Variants in CPLANE1 observed in about 807,000 individuals in gnomAD.
CPLANE1 encodes ciliogenesis and planar polarity effector 1.
Under a neutral mutation model 362.5 loss-of-function variants are expected in CPLANE1, and 263 were observed. The observed-to-expected ratio is 0.73, with a 90% confidence interval of 0.66 to 0.80. CPLANE1 has a LOEUF of 0.80. Among genes scored for constraint, CPLANE1 ranks in the 30% least tolerant of loss-of-function variants. The pLI is 0.00. For missense variants in CPLANE1, 3,461 were observed against 3,793.4 expected, an observed-to-expected ratio of 0.91 and a Z score of 2.30; for synonymous variants, 1,212 against 1,302.6, an observed-to-expected ratio of 0.93 and a Z score of 1.50.
intron 38 of CPLANE1, among the ~76,000 whole-genome samples, chr5:37,159,130 A>G: frequency 1.2e-5 from 1 of 86,492 alleles, no homozygotes; most frequent in African/African-American, 4.7e-5. Flanking sequence ...TTTGAGACGG[A>G]GTCTCGCTCT....
In CPLANE1 at chr5:37,183,700, C is replaced by A. The variant is rs774492992; in HGVS notation, c.4482-1G>T. ...TAATTCCATGTGATTTGGGGCATTT[C>A]TATAGCAAAAAAATAAAATAAGACA... On this transcript the variant is annotated splice_acceptor_variant, in intron 25 of 52. Transcript: ENST00000651892. LOFTEE classifies it high-confidence loss of function. 11 of 1,544,554 alleles carry A rather than the reference C, an allele frequency of 7.1e-6. No homozygotes were observed. In the African/African-American group the frequency reaches 1.4e-4, roughly 20 times the overall value.
intron 19 of CPLANE1, 43 bp from the exon 20 acceptor site, chr5:37,198,909 A>C: frequency 1.3e-6 from 2 of 1,569,178 alleles, no homozygotes; most frequent in Non-Finnish European, 1.7e-6. Context: ...TAGTAATGAG[A>C]AAATTTAGAA....
At chr5:37,155,985 T>G (rs974386479) in intron 41 of CPLANE1, among the ~76,000 whole-genome samples, 1 of 152,158 alleles carries the variant, frequency 6.6e-6, no homozygotes, top group Non-Finnish European at 1.5e-5. Context: ...AGCAGCCCCA[T>G]GACAGAAGAG....
intron 42 of CPLANE1, among the ~76,000 whole-genome samples, chr5:37,150,481 C>T (rs952930792): frequency 1.3e-5 from 2 of 151,964 alleles, no homozygotes; most frequent in African/African-American, 4.8e-5. Context: ...TATCATGTCC[C>T]TGATAGAAAT....
At position 37,221,427 on chromosome 5, in the gene CPLANE1, G is replaced by T. The variant is rs773097425; in HGVS notation, c.2643C>A (p.Leu881=). 4.6e-6 allele frequency: 7 copies of T among 1,536,044 alleles called. No individual in the cohort carries two copies. Among genetic ancestry groups the T allele is most frequent in the Non-Finnish European group, 8.8e-7 (1 of 1,140,828 alleles). Residue 881 remains leucine, a synonymous_variant, in exon 15 of 53, where the codon CTC becomes CTA. Transcript: ENST00000651892. ...RYYLSLLYCH[L]YSYNLNDAQG... Reference sequence around the variant, plus strand: ...GAGCATCATTTAAATTATAGCTATAGAGGTGGCAGTATAAGAGAGAAAGAT... The same window carrying T: ...GAGCATCATTTAAATTATAGCTATATAGGTGGCAGTATAAGAGAGAAAGAT...
intron 9 of CPLANE1, among the ~76,000 whole-genome samples, chr5:37,228,959 T>C (rs1385872756): frequency 6.6e-6 from 1 of 152,152 alleles, no homozygotes; most frequent in African/African-American, 2.4e-5. Flanking sequence ...GCATTGCCAA[T>C]TGCTAAAAAT....
At chr5:37,196,123 C>A in intron 20 of CPLANE1, 127 bp from the exon 21 acceptor site, 1 of 584,910 alleles carries the variant, frequency 1.7e-6, no homozygotes, top group Non-Finnish European at 2.6e-6. Context: ...ATGAAATCAG[C>A]TATATTTTCA....
chr5:37,168,802 G>A lies in CPLANE1; in HGVS notation c.7222C>T (p.Pro2408Ser). The A allele has an allele frequency of 6.2e-7, 1 of 1,610,902 alleles. No individual in the cohort carries two copies. The change falls in exon 34 of 53, where the codon CCA (proline) becomes TCA (serine). Residue 2408 changes from proline to serine, a missense_variant. Coordinates refer to ENST00000651892, the MANE Select transcript of CPLANE1 (RefSeq NM_001384732.1). ...CAAAAATTCATTACCCTATTTTCTG[G>A]GGACAAATGTGAATGAAGTAATGAC... The part of the protein sequence containing the change: ...RLSLLHSHLS[P>S]ENRCKKTQLI...
At position 37,209,191 on chromosome 5, in the gene CPLANE1, G is replaced by A. The variant is rs1791860855; in HGVS notation, c.2921-2766C>T. ...CGTGTTTGTTAGAAAACCTAGTTGGGAGTGCAAGGCAGAGAGCGTTCAGCA... is the reference window on the plus strand; with the variant it reads ...CGTGTTTGTTAGAAAACCTAGTTGGAAGTGCAAGGCAGAGAGCGTTCAGCA... On this transcript the variant is annotated intron_variant, in intron 16 of 52. Transcript: ENST00000651892. The surrounding 1 kb of genome is among the most constrained non-coding windows in gnomAD (Gnocchi z 4.6). 6.6e-6 allele frequency among the ~76,000 whole-genome samples: 1 copy of A among 152,220 alleles called. No homozygotes were observed. The highest frequency in any genetic ancestry group is 2.1e-4 in the South Asian group (1 of 4,830).
intron 23 of CPLANE1, among the ~76,000 whole-genome samples, chr5:37,186,686 G>C (rs574351955): frequency 2.9e-4 from 44 of 152,188 alleles, no homozygotes; most frequent in South Asian, 1.2e-3. Flanking sequence ...GAATTAATTA[G>C]CACATCCATC....
intron 19 of CPLANE1, among the ~76,000 whole-genome samples, chr5:37,201,270 T>C (rs574728356): frequency 1.3e-5 from 2 of 152,094 alleles, no homozygotes; most frequent in East Asian, 3.9e-4. Flanking sequence ...TTGTGCTATA[T>C]TGTTACAATA....
Position 37,122,432 on chromosome 5 carries a change from G to A in CPLANE1, c.9015C>T (p.Asp3005=). 1 of 1,612,750 alleles carries A rather than the reference G, an allele frequency of 6.2e-7. No homozygotes were observed. Among genetic ancestry groups the A allele is most frequent in the Non-Finnish European group, 8.5e-7 (1 of 1,179,322 alleles). ...AGGGTTACAGCTACCAAACTCACCT[G>A]TCTTTTTCATGCTTCATCTTTTGTC... The part of the protein sequence containing the change: ...RLRQKMKHEK[D]RLLLSEHYSR... Residue 3005 remains aspartate (D), a splice_region_variant and synonymous_variant, in exon 48 of 53, where the codon GAC becomes GAT. Transcript: ENST00000651892.
At chr5:37,245,927 C>A in intron 2 of CPLANE1, 82 bp from the exon 3 acceptor site, 1 of 1,289,486 alleles carries the variant, frequency 7.8e-7, no homozygotes, top group Non-Finnish European at 1.0e-6. Context: ...TCCCAGAAAT[C>A]AAAGCGACAT....
In CPLANE1 at chr5:37,226,313, G is replaced by A; in HGVS notation, c.2282C>T (p.Pro761Leu). The A allele has an allele frequency of 6.6e-7, 1 of 1,514,074 alleles. No homozygotes were observed. Among genetic ancestry groups the A allele is most frequent in the Non-Finnish European group, 8.8e-7 (1 of 1,133,924 alleles). 93.8% of individuals were successfully genotyped at this position (1,514,074 alleles called of 1,614,324 possible). A position where few individuals can be genotyped will look rare whatever the true frequency, so the allele number is the denominator to read the frequency against. Residue 761 changes from proline to leucine, a missense_variant, in exon 12 of 53, where the codon CCA becomes CTA. Coordinates refer to ENST00000651892, the MANE Select transcript of CPLANE1 (RefSeq NM_001384732.1). Reference sequence around the variant, plus strand: ...AAATAAGTGATTATACCTGTGTCCTGGCTGTTGCACAGGATTTACTACTTG... The same window carrying A: ...AAATAAGTGATTATACCTGTGTCCTAGCTGTTGCACAGGATTTACTACTTG... ...HPQVVNPVQQPGHRLLILWRI... is the reference protein window; with the variant it reads ...HPQVVNPVQQLGHRLLILWRI...
Position 37,201,098 on chromosome 5 carries a change from C to T in CPLANE1, c.3507+493G>A, listed in dbSNP as rs1032771736. ...CTTGGCCTCCCAAGTTCTGGGATTACAGGTGTGAGCTACTACACCCAGCCA... is the reference window on the plus strand; with the variant it reads ...CTTGGCCTCCCAAGTTCTGGGATTATAGGTGTGAGCTACTACACCCAGCCA... On this transcript the variant is annotated intron_variant, in intron 19 of 52. Coordinates refer to ENST00000651892, the MANE Select transcript of CPLANE1 (RefSeq NM_001384732.1). 4.3e-4 allele frequency among the ~76,000 whole-genome samples: 66 copies of T among 152,166 alleles called. 1 individual carries two copies. Among genetic ancestry groups the T allele is most frequent in the Admixed American group, 4.1e-3 (62 of 15,260 alleles).
Position 37,125,347 on chromosome 5 carries a change from G to T in CPLANE1, c.8855C>A (p.Ala2952Asp). 1 of 1,613,712 alleles carries T rather than the reference G, an allele frequency of 6.2e-7. No individual in the cohort carries two copies. The highest frequency in any genetic ancestry group is 1.7e-5 in the Admixed American group (1 of 60,002). ...RTDKERREIQAWMKRKRKERM... is the reference protein window; with the variant it reads ...RTDKERREIQDWMKRKRKERM... ...TTCTTTTCGTTTTCTTTTCATCCAG[G>T]CTTGAATCTCTCTTCTTTCCTTGTC... Residue 2952 changes from alanine (A) to aspartate (D), a missense_variant, in exon 47 of 53, where the codon GCC becomes GAC. Physicochemically the swap from Ala to Asp is moderately radical, Grantham distance 126. Coordinates refer to ENST00000651892, the MANE Select transcript of CPLANE1 (RefSeq NM_001384732.1).
intron 30 of CPLANE1, chr5:37,176,227 C>G (rs993970351): frequency 1.7e-5 from 6 of 350,388 alleles, no homozygotes; most frequent in African/African-American, 1.3e-4. Flanking sequence ...GACTGCTCAG[C>G]AATGAAAACA....
At chr5:37,140,851 T>C (rs1264496696) in intron 44 of CPLANE1, 1 of 974,404 alleles carries the variant, frequency 1.0e-6, no homozygotes, top group Non-Finnish European at 1.2e-6. Flanking sequence ...GATTTATGCA[T>C]GGACTTTTTT....
chr5:37,199,096 CAAAAAAAA>C (rs35945783), intron 19 of CPLANE1, among the ~76,000 whole-genome samples: 5 of 47,172 alleles, frequency 1.1e-4, no homozygotes, highest in African/African-American at 3.8e-4. Context: ...CACCCTGTCT[CAAAAAAAA>C]AAAAAAAAAA....
Sources: gnomAD v4.1 joint callset for allele counts (sites outside exome capture counted in the v4.1 genomes callset) on GRCh38, gnomAD v4.1.1 for gene constraint, Gnocchi (gnomAD v3.1) non-coding constraint, MANE v1.5 for transcripts, NCBI Gene and HGNC (gene_info 2026-07-23, HGNC 2026-07-21) for gene names.